The following SLC44A5 variants were observed in gnomAD, a reference collection of about 807,000 sequenced individuals.
The protein encoded by SLC44A5 is choline transporter-like protein 5.
SLC44A5 carries 57 observed loss-of-function variants against 101.8 expected under a neutral mutation model. The observed-to-expected ratio is 0.56, with a 90% CI of 0.45 to 0.70. The LOEUF (loss-of-function observed/expected upper bound fraction) is 0.70, where lower values mean the gene tolerates loss of function less well. SLC44A5 is among the 30% of genes least tolerant of loss of function. The probability of loss-of-function intolerance (pLI) is 0.00; values close to 1 mark genes in which losing one functional copy is unlikely to be tolerated. For missense variants in SLC44A5, 737 were observed against 853.1 expected (o/e 0.86, Z 1.70); for synonymous variants, 281 against 290.9 (o/e 0.97, Z 0.35).
At chr1:75,440,776 A>G (rs1665151447) in intron 2 of SLC44A5, among the ~76,000 whole-genome samples, 1 of 152,108 alleles carries the variant, frequency 6.6e-6, no homozygotes, top group Non-Finnish European at 1.5e-5. Flanking sequence ...GGGCAAGAAA[A>G]AAACATTTTC....
intron 2 of SLC44A5, among the ~76,000 whole-genome samples, chr1:75,469,546 A>C (rs922669132): frequency 6.6e-6 from 1 of 151,954 alleles, no homozygotes; most frequent in Non-Finnish European, 1.5e-5. Flanking sequence ...CTTAGGGGAA[A>C]AAATCACTAA....
chr1:75,700,951 A>C, the SLC44A5 span, among the ~76,000 whole-genome samples: 3 of 152,232 alleles, frequency 2.0e-5, no homozygotes, highest in Non-Finnish European at 4.4e-5. Context: ...CCCAAGACTA[A>C]ACCAGGAAGA....
intron 2 of SLC44A5, among the ~76,000 whole-genome samples, chr1:75,419,165 C>T (rs1202273699): frequency 6.6e-6 from 1 of 151,820 alleles, no homozygotes; most frequent in Non-Finnish European, 1.5e-5. Context: ...TAAGAATCCC[C>T]AAAGCAGGAG....
At position 75,370,412 on chromosome 1, in the gene SLC44A5, T is replaced by G. The variant is rs1003025824; in HGVS notation, c.52+26171A>C. Among the ~76,000 whole-genome samples the G allele has an allele frequency of 1.5e-4, 23 of 152,358 alleles. 1 individual carries two copies. The East Asian group carries it at 4.4e-3, about 29-fold the overall frequency. ...GAGACAGACTCAGCCTTGGGTAGCA[T>G]AGTGATCAGAATATTTCCAACCACA... On this transcript the variant is annotated intron_variant, in intron 3 of 23. Coordinates refer to ENST00000370859, the MANE Select transcript of SLC44A5 (RefSeq NM_001130058.2).
rs75431441 is a variant in SLC44A5, at chr1:75,606,432, G to T, written c.-70+4608C>A. Among the ~76,000 whole-genome samples, 1,298 of 152,006 alleles carry T rather than the reference G, an allele frequency of 8.5e-3. 9 individuals are homozygous for T. Among genetic ancestry groups the T allele is most frequent in the Non-Finnish European group, 0.011 (728 of 67,922 alleles). ...CAAAATTTAAAATAGTAAAAGAGAGGTTAAAACCCACCTCAATACACAGAT... is the reference window on the plus strand; with the variant it reads ...CAAAATTTAAAATAGTAAAAGAGAGTTTAAAACCCACCTCAATACACAGAT... On this transcript the variant is annotated intron_variant, in intron 1 of 23. Transcript: ENST00000370859.
chr1:75,653,912 T>C, the SLC44A5 span, among the ~76,000 whole-genome samples: 14,158 of 152,130 alleles, frequency 0.093, 856 homozygotes, highest in East Asian at 0.25. Context: ...GTGAAGATGA[T>C]TTTACCTGAC....
the SLC44A5 span, among the ~76,000 whole-genome samples, chr1:75,651,190 CCTA>C: frequency 2.0e-5 from 3 of 152,110 alleles, no homozygotes; most frequent in Non-Finnish European, 4.4e-5. Flanking sequence ...CTTGGGTATT[CCTA>C]ACTATGCTAA....
At chr1:75,687,454 C>T in the SLC44A5 span, among the ~76,000 whole-genome samples, 2 of 152,090 alleles carry the variant, frequency 1.3e-5, no homozygotes, top group East Asian at 1.9e-4. Flanking sequence ...CAGGCGCCCA[C>T]CAACACGCCT....
chr1:75,392,724 T>C (rs1257040379), intron 3 of SLC44A5, among the ~76,000 whole-genome samples: 1 of 152,154 alleles, frequency 6.6e-6, no homozygotes, highest in East Asian at 1.9e-4. Flanking sequence ...GCACCAGGAT[T>C]CACAATAGCA....
At chr1:75,573,127 C>CAAAAAAAAAAAAAAAA (rs745593621) in intron 1 of SLC44A5, among the ~76,000 whole-genome samples, 1 of 16,686 alleles carries the variant, frequency 6.0e-5, no homozygotes, top group Non-Finnish European at 1.0e-4. Flanking sequence ...GGCTCCATCT[C>CAAAAAAAAAAAAAAAA]AAAAAAAAAA....
At chr1:75,667,698 C>T in the SLC44A5 span, among the ~76,000 whole-genome samples, 3 of 152,074 alleles carry the variant, frequency 2.0e-5, no homozygotes, top group Non-Finnish European at 4.4e-5. Flanking sequence ...AAAGAATACA[C>T]AAGAAACTGG....
chr1:75,367,868 T>C (rs890485016), intron 3 of SLC44A5, among the ~76,000 whole-genome samples: 3 of 152,178 alleles, frequency 2.0e-5, no homozygotes, highest in South Asian at 2.1e-4. Context: ...GGCATTTTTT[T>C]CCCATAAATG....
intron 20 of SLC44A5, among the ~76,000 whole-genome samples, chr1:75,214,211 A>G (rs1646916655): frequency 6.6e-6 from 1 of 152,106 alleles, no homozygotes; most frequent in South Asian, 2.1e-4. Context: ...GGAGCCCTGC[A>G]GTGGTGGTGT....
chr1:75,690,603 T>C, the SLC44A5 span, among the ~76,000 whole-genome samples: 37 of 152,168 alleles, frequency 2.4e-4, no homozygotes, highest in Non-Finnish European at 5.0e-4. Context: ...TGAAAAACCA[T>C]AGTGTTGGCC....
At position 75,296,832 on chromosome 1, in the gene SLC44A5, C is replaced by T. The variant is rs750228348; in HGVS notation, c.175+3780G>A. Among the ~76,000 whole-genome samples the T allele has an allele frequency of 5.5e-4, 83 of 152,124 alleles. 1 individual carries two copies. Among genetic ancestry groups the T allele is most frequent in the Non-Finnish European group, 1.8e-4 (12 of 68,032 alleles). ...TGTTCTGCTTATCTATTGTTGCACTCCCAAACTCACTGGCTTAATATAATA... is the reference window on the plus strand; with the variant it reads ...TGTTCTGCTTATCTATTGTTGCACTTCCAAACTCACTGGCTTAATATAATA... On this transcript the variant is annotated intron_variant, in intron 5 of 23. Transcript: ENST00000370859.
At chr1:75,479,050 T>A (rs952868093) in intron 2 of SLC44A5, among the ~76,000 whole-genome samples, 3 of 152,132 alleles carry the variant, frequency 2.0e-5, no homozygotes, top group African/African-American at 7.2e-5. Flanking sequence ...TAAGAAACTA[T>A]CTCTCAGACC....
At chr1:75,256,222 T>G (rs1333574063) in intron 6 of SLC44A5, among the ~76,000 whole-genome samples, 2 of 152,138 alleles carry the variant, frequency 1.3e-5, no homozygotes, top group African/African-American at 4.8e-5. Context: ...ATTAAAGCTA[T>G]GCAATAGGCC....
chr1:75,509,598 A>G (rs1669455418), intron 2 of SLC44A5, among the ~76,000 whole-genome samples: 1 of 152,228 alleles, frequency 6.6e-6, no homozygotes, highest in Non-Finnish European at 1.5e-5. Flanking sequence ...GGAGGCAGAT[A>G]TAAGAGTTAT....
In SLC44A5 at chr1:75,598,767, C is replaced by G. The variant is rs1035925216; in HGVS notation, c.-70+12273G>C. On this transcript the variant is annotated intron_variant, in intron 1 of 23. Coordinates refer to ENST00000370859, the MANE Select transcript of SLC44A5 (RefSeq NM_001130058.2). ...TAGAGGGAAACAACACATACTGGGG[C>G]CTATTGAAGAGTGGAAGGTGGGAGG... 2.6e-5 allele frequency among the ~76,000 whole-genome samples: 4 copies of G among 151,856 alleles called. No homozygotes were observed. In the South Asian group the frequency reaches 8.3e-4, roughly 32 times the overall value.
Sources: gnomAD v4.1 joint callset for allele counts (sites outside exome capture counted in the v4.1 genomes callset) on GRCh38, gnomAD v4.1.1 for gene constraint, MANE v1.5 for transcripts, NCBI Gene and HGNC (gene_info 2026-07-23, HGNC 2026-07-21) for gene names.